The following GPR21 variants were observed in gnomAD, a reference collection of about 807,000 sequenced individuals.
GPR21 encodes the protein G protein-coupled receptor 21.
A neutral mutation model predicts 21.5 loss-of-function variants in GPR21; 9 were observed. That is an observed-to-expected ratio of 0.42 (90% CI 0.25 to 0.73). GPR21 has a LOEUF of 0.73. Ranked by LOEUF, GPR21 falls within the 30% of genes least tolerant of loss-of-function variation. GPR21 has a pLI of 0.27. For missense variants in GPR21, 416 were observed against 428.9 expected, an observed-to-expected ratio of 0.97 and a Z score of 0.27; for synonymous variants, 169 against 159.3, an observed-to-expected ratio of 1.06 and a Z score of -0.46.
Position 123,035,093 on chromosome 9 carries a change from A to G in GPR21, c.527A>G (p.Asp176Gly), listed in dbSNP as rs975376777. 1 of 1,613,908 alleles carries G rather than the reference A, an allele frequency of 6.2e-7. No homozygotes were observed. Among genetic ancestry groups the G allele is most frequent in the South Asian group, 1.1e-5 (1 of 91,058 alleles). ...FHWGKPGYHG[D>G]VFQWCAESWH... ...TGGGGCAAACCTGGATATCATGGAG[A>G]TGTGTTTCAGTGGTGTGCGGAGTCC... The change falls in exon 2 of 2, where the codon GAT becomes GGT. Residue 176 changes from aspartate (D) to glycine (G), a missense_variant. By Grantham distance (94) the Asp-to-Gly change is moderately conservative. Transcript: ENST00000616002.
downstream of GPR21, among the ~76,000 whole-genome samples, chr9:123,036,563 A>G (rs187745947): frequency 1.1e-4 from 17 of 152,342 alleles, no homozygotes; most frequent in Non-Finnish European, 2.1e-4. Flanking sequence ...TTAGAACATC[A>G]GGGAGAAGGG....
downstream of GPR21, among the ~76,000 whole-genome samples, chr9:123,037,311 A>G (rs573402391): frequency 7.2e-5 from 11 of 152,286 alleles, no homozygotes; most frequent in East Asian, 2.1e-3. Flanking sequence ...AAACTTTTTT[A>G]TTTTAAGTGA....
At chr9:123,043,928 TCTCA>T in the GPR21 span, among the ~76,000 whole-genome samples, 4 of 142,390 alleles carry the variant, frequency 2.8e-5, no homozygotes, top group South Asian at 8.9e-4. Flanking sequence ...TGAGACGGAG[TCTCA>T]CTCAGTCACC....
chr9:123,047,922 T>TG, the GPR21 span, among the ~76,000 whole-genome samples: 1 of 51,946 alleles, frequency 1.9e-5, no homozygotes, highest in Non-Finnish European at 2.8e-5. Flanking sequence ...CTGCTGGGTT[T>TG]TTTTTTTTTT....
In GPR21 at chr9:123,034,979, A is replaced by G. The variant is rs1162726916; in HGVS notation, c.413A>G (p.Asn138Ser). 1.2e-6 allele frequency: 2 copies of G among 1,613,672 alleles called. No individual in the cohort carries two copies. Among genetic ancestry groups the G allele is most frequent in the Admixed American group, 3.3e-5 (2 of 60,004 alleles). ...GCCATTACTAAACCTTTAACCTATAATACTCTGGTTACACCCTGGAGACTA... is the reference window on the plus strand; with the variant it reads ...GCCATTACTAAACCTTTAACCTATAGTACTCTGGTTACACCCTGGAGACTA... ...YIAITKPLTYNTLVTPWRLRL... is the reference protein window; with the variant it reads ...YIAITKPLTYSTLVTPWRLRL... The change falls in exon 2 of 2, where the codon AAT becomes AGT. Residue 138 changes from asparagine (N) to serine (S), a missense_variant. Physicochemically the swap from Asn to Ser is conservative, Grantham distance 46. Coordinates refer to ENST00000616002, the MANE Select transcript of GPR21 (RefSeq NM_005294.3).
the GPR21 span, among the ~76,000 whole-genome samples, chr9:123,048,114 T>C: frequency 6.6e-6 from 1 of 151,898 alleles, no homozygotes; most frequent in East Asian, 1.9e-4. Flanking sequence ...TAATTTTGTA[T>C]TTTTAGTAGA....
downstream of GPR21, chr9:123,035,776 C>T (rs1322383598): frequency 1.7e-5 from 9 of 527,802 alleles, no homozygotes; most frequent in Non-Finnish European, 2.6e-5. Context: ...GTATGGATAC[C>T]TTCTAAGTTT....
the GPR21 span, among the ~76,000 whole-genome samples, chr9:123,049,078 A>G: frequency 1.3e-5 from 2 of 152,236 alleles, no homozygotes; most frequent in African/African-American, 2.4e-5. Flanking sequence ...TATTTCATTA[A>G]ATAAAGAGCC....
chr9:123,038,871 A>G (rs771043989), downstream of GPR21, among the ~76,000 whole-genome samples: 1 of 152,100 alleles, frequency 6.6e-6, no homozygotes, highest in Non-Finnish European at 1.5e-5. Flanking sequence ...ATCATATAGT[A>G]AAAATGAAGT....
the GPR21 span, among the ~76,000 whole-genome samples, chr9:123,043,453 AG>A: frequency 6.6e-6 from 1 of 152,218 alleles, no homozygotes; most frequent in Non-Finnish European, 1.5e-5. Flanking sequence ...ATAGATACAT[AG>A]AAAACCAAGG....
At chr9:123,046,304 A>C in the GPR21 span, among the ~76,000 whole-genome samples, 1 of 152,214 alleles carries the variant, frequency 6.6e-6, no homozygotes, top group Non-Finnish European at 1.5e-5. Flanking sequence ...AGCGGTAAAG[A>C]GGGGTCACTT....
the GPR21 span, among the ~76,000 whole-genome samples, chr9:123,041,829 A>G: frequency 6.6e-6 from 1 of 152,236 alleles, no homozygotes; most frequent in Non-Finnish European, 1.5e-5. Flanking sequence ...CTATAAGCAT[A>G]GAGACTAAAA....
At chr9:123,048,140 T>C in the GPR21 span, among the ~76,000 whole-genome samples, 4 of 152,140 alleles carry the variant, frequency 2.6e-5, no homozygotes, top group South Asian at 2.1e-4. Flanking sequence ...GGTTTCACCA[T>C]GTTGGCCAGG....
At position 123,035,301 on chromosome 9, in the gene GPR21, TCCTGATA is replaced by T; in HGVS notation, c.736_742del (p.Pro246SerfsTer41). The T allele has an allele frequency of 1.9e-6, 3 of 1,614,162 alleles. No individual in the cohort carries two copies. Among genetic ancestry groups the T allele is most frequent in the Non-Finnish European group, 2.5e-6 (3 of 1,179,996 alleles). Reference sequence around the variant, plus strand: ...GGGAGACTGGGGAAGTGCAGGCCTGTCCTGATAAGCGCTATGCCATGGTCCTGTTTCG... The same window carrying T: ...GGGAGACTGGGGAAGTGCAGGCCTGTAGCGCTATGCCATGGTCCTGTTTCG... On this transcript the variant is annotated frameshift_variant, in exon 2 of 2. Coordinates refer to ENST00000616002, the MANE Select transcript of GPR21 (RefSeq NM_005294.3). LOFTEE classifies it high-confidence loss of function.
downstream of GPR21, among the ~76,000 whole-genome samples, chr9:123,038,106 A>T (rs893540893): frequency 2.0e-5 from 3 of 152,114 alleles, no homozygotes; most frequent in African/African-American, 7.2e-5. Flanking sequence ...ATTTCAGTGA[A>T]AGTGGTTTTT....
chr9:123,040,629 G>A (rs1414394977), downstream of GPR21, among the ~76,000 whole-genome samples: 1 of 151,900 alleles, frequency 6.6e-6, no homozygotes, highest in East Asian at 1.9e-4. Context: ...TATATCCCCA[G>A]CCCTATCTTT....
Position 123,035,520 on chromosome 9 carries a change from C to G in GPR21, c.954C>G (p.Leu318=). The change falls in exon 2 of 2, where the codon CTC becomes CTG. Residue 318 remains leucine (L), a synonymous_variant. Transcript: ENST00000616002. ...NSVFQRGLKR[L]SGAMCTSCAS... is the part of the protein sequence containing the mutation. ...TATTCCAAAGAGGACTAAAGCGCCT[C>G]TCAGGGGCTATGTGTACTTCTTGTG... 6.2e-7 allele frequency: 1 copy of G among 1,614,014 alleles called. No homozygotes were observed. Among genetic ancestry groups the G allele is most frequent in the Non-Finnish European group, 8.5e-7 (1 of 1,179,910 alleles).
Position 123,035,275 on chromosome 9 carries a change from G to A in GPR21, c.709G>A (p.Gly237Arg), listed in dbSNP as rs1203749504. 6.2e-7 allele frequency: 1 copy of A among 1,614,026 alleles called. No homozygotes were observed. The highest frequency in any genetic ancestry group is 8.5e-7 in the Non-Finnish European group (1 of 1,179,996). ...GCAAGCCCGCTTCAGCAGCCAGAGT[G>A]GGGAGACTGGGGAAGTGCAGGCCTG... ...ERQARFSSQSGETGEVQACPD... is the reference protein window; with the variant it reads ...ERQARFSSQSRETGEVQACPD... The change falls in exon 2 of 2, where the codon GGG becomes AGG. Residue 237 changes from glycine (G) to arginine (R), a missense_variant. Physicochemically the swap from Gly to Arg is moderately radical, Grantham distance 125. Coordinates refer to ENST00000616002, the MANE Select transcript of GPR21 (RefSeq NM_005294.3).
At chr9:123,042,358 T>C in the GPR21 span, among the ~76,000 whole-genome samples, 1 of 152,170 alleles carries the variant, frequency 6.6e-6, no homozygotes, top group Admixed American at 6.5e-5. Context: ...ATTGCACTTT[T>C]GAGAAAAAGT....
Sources: gnomAD v4.1 joint callset for allele counts (sites outside exome capture counted in the v4.1 genomes callset) on GRCh38, gnomAD v4.1.1 for gene constraint, MANE v1.5 for transcripts, NCBI Gene and HGNC (gene_info 2026-07-23, HGNC 2026-07-21) for gene names.